Variants in DENND1A observed in about 807,000 individuals in gnomAD.
DENND1A encodes DENN domain-containing protein 1A.
DENND1A carries 51 observed loss-of-function variants against 113.7 expected under a neutral mutation model. The observed-to-expected ratio is 0.45, with a 90% CI of 0.36 to 0.57. The LOEUF is 0.57. DENND1A is among the 20% of genes least tolerant of loss of function. DENND1A has a pLI of 0.00. For synonymous variants in DENND1A, 565 were observed against 570.8 expected (o/e 0.99, Z 0.14); for missense variants, 1,258 against 1,395.9 (o/e 0.90, Z 1.57).
At chr9:123,530,194 A>G (rs2055184758) in intron 13 of DENND1A, among the ~76,000 whole-genome samples, 2 of 152,198 alleles carry the variant, frequency 1.3e-5, no homozygotes, top group Non-Finnish European at 2.9e-5. Flanking sequence ...AGAATATTCT[A>G]GAATTGAAGA....
At chr9:123,583,945 C>G (rs925691871) in intron 11 of DENND1A, among the ~76,000 whole-genome samples, 5 of 152,152 alleles carry the variant, frequency 3.3e-5, no homozygotes, top group African/African-American at 1.2e-4. Context: ...AAGGGATGAA[C>G]GGACAATATG....
At chr9:123,576,526 T>C (rs2058647232) in intron 12 of DENND1A, among the ~76,000 whole-genome samples, 1 of 152,156 alleles carries the variant, frequency 6.6e-6, no homozygotes, top group African/African-American at 2.4e-5. Context: ...TGAGATGGAT[T>C]CTAGCTCTGT....
intron 11 of DENND1A, among the ~76,000 whole-genome samples, chr9:123,604,036 A>G (rs2060043983): frequency 6.6e-6 from 1 of 152,210 alleles, no homozygotes; most frequent in African/African-American, 2.4e-5. Flanking sequence ...AGGCCTGACC[A>G]TGTCCCTCCT....
chr9:123,506,662 T>C (rs1221046467), intron 13 of DENND1A, among the ~76,000 whole-genome samples: 1 of 150,372 alleles, frequency 6.7e-6, no homozygotes, highest in East Asian at 2.0e-4. Flanking sequence ...CATAACAACT[T>C]ACAGAGATTA....
intron 9 of DENND1A, among the ~76,000 whole-genome samples, chr9:123,630,741 C>T (rs2061440560): frequency 6.6e-6 from 1 of 152,148 alleles, no homozygotes; most frequent in Non-Finnish European, 1.5e-5. Context: ...ATAAATGCCA[C>T]ACCATCAGAA....
intron 10 of DENND1A, among the ~76,000 whole-genome samples, chr9:123,615,295 C>A (rs1170059867): frequency 6.6e-6 from 1 of 152,228 alleles, no homozygotes; most frequent in Non-Finnish European, 1.5e-5. Context: ...AAAGCTAAAT[C>A]ATTCATCTGA....
intron 3 of DENND1A, 30 bp downstream of exon 3, chr9:123,792,556 TC>T (rs1833144406): frequency 6.2e-7 from 1 of 1,609,274 alleles, no homozygotes; most frequent in Non-Finnish European, 8.5e-7. Flanking sequence ...ATAAATTTTG[TC>T]ATGTAAAAAA....
intron 5 of DENND1A, among the ~76,000 whole-genome samples, chr9:123,679,392 ACTCAGCCTCAGC>A (rs568930224): frequency 2.6e-5 from 4 of 152,042 alleles, no homozygotes; most frequent in African/African-American, 4.8e-5. Context: ...TGGTTCTCAC[ACTCAGCCTCAGC>A]CTCAGCCTCA....
intron 5 of DENND1A, among the ~76,000 whole-genome samples, chr9:123,691,723 G>A (rs1012193827): frequency 4.6e-5 from 7 of 151,926 alleles, no homozygotes; most frequent in African/African-American, 1.5e-4. Context: ...GATGGGTTTT[G>A]TCTTTGTAAA....
chr9:123,638,137 C>T (rs939409327), intron 9 of DENND1A, among the ~76,000 whole-genome samples: 16 of 152,048 alleles, frequency 1.1e-4, no homozygotes, highest in African/African-American at 3.6e-4. Flanking sequence ...AGTTATTAAC[C>T]GGGGCAACAA....
chr9:123,679,644 C>A (rs906446385), intron 5 of DENND1A, among the ~76,000 whole-genome samples: 1 of 152,186 alleles, frequency 6.6e-6, no homozygotes, highest in Non-Finnish European at 1.5e-5. Flanking sequence ...CCCCTGTTTT[C>A]CCCTGTTGGG....
At chr9:123,388,167 A>G (rs1367804848) in intron 21 of DENND1A, among the ~76,000 whole-genome samples, 1 of 152,244 alleles carries the variant, frequency 6.6e-6, no homozygotes, top group Non-Finnish European at 1.5e-5. Flanking sequence ...TTATAATATT[A>G]AAACATGGAA....
At chr9:123,651,708 C>T (rs1037864860) in intron 9 of DENND1A, among the ~76,000 whole-genome samples, 12 of 152,206 alleles carry the variant, frequency 7.9e-5, no homozygotes, top group Non-Finnish European at 1.2e-4. Flanking sequence ...ATGACACACC[C>T]GTATCATGAA....
intron 13 of DENND1A, among the ~76,000 whole-genome samples, chr9:123,557,012 G>C (rs10818836): frequency 6.6e-6 from 1 of 152,066 alleles, no homozygotes; most frequent in Non-Finnish European, 1.5e-5. Flanking sequence ...GTCACTTCCC[G>C]GTCTTCATTG....
chr9:123,392,702 A>G (rs2042920097), intron 21 of DENND1A, among the ~76,000 whole-genome samples: 1 of 152,192 alleles, frequency 6.6e-6, no homozygotes, highest in African/African-American at 2.4e-5. Context: ...AACAGGTGGT[A>G]TTCGGATACA....
chr9:123,816,603 A>T (rs116804366), intron 2 of DENND1A, among the ~76,000 whole-genome samples: 22 of 152,362 alleles, frequency 1.4e-4, no homozygotes, highest in African/African-American at 5.3e-4. Context: ...AATCTGTGAG[A>T]TCACTAACAA....
chr9:123,510,966 C>A (rs1411165606), intron 13 of DENND1A, among the ~76,000 whole-genome samples: 1 of 152,200 alleles, frequency 6.6e-6, no homozygotes, highest in African/African-American at 2.4e-5. Flanking sequence ...TAAGGCCACA[C>A]AATCCTTCCA....
chr9:123,651,364 G>A (rs2062641282), intron 9 of DENND1A, among the ~76,000 whole-genome samples: 2 of 152,246 alleles, frequency 1.3e-5, no homozygotes, highest in Non-Finnish European at 2.9e-5. Context: ...TTTCTTAGCA[G>A]AATTAAAACA....
chr9:123,441,790 A>G (rs2046951530), intron 18 of DENND1A, among the ~76,000 whole-genome samples: 1 of 152,252 alleles, frequency 6.6e-6, no homozygotes, highest in South Asian at 2.1e-4. Flanking sequence ...CACAAGTTCC[A>G]ATTATTTTCA....
Sources: allele counts gnomAD v4.1 joint callset (sites outside exome capture counted in the v4.1 genomes callset), GRCh38; gene constraint gnomAD v4.1.1; transcripts MANE v1.5; gene names NCBI Gene and HGNC (gene_info 2026-07-23, HGNC 2026-07-21).